The following ROBO2 variants were observed in gnomAD, a reference collection of about 807,000 sequenced individuals.
ROBO2 encodes the protein roundabout homolog 2.
A neutral mutation model predicts 160.8 loss-of-function variants in ROBO2; 53 were observed. The observed-to-expected ratio is 0.33, with a 90% CI of 0.26 to 0.41. The LOEUF (loss-of-function observed/expected upper bound fraction) is 0.41. Among genes scored for constraint, ROBO2 ranks in the 10% least tolerant of loss-of-function variants. ROBO2 has a pLI of 1.00. For missense variants in ROBO2, 1,577 were observed against 1,722.4 expected (o/e 0.92, Z 1.49); for synonymous variants, 664 against 611.7 (o/e 1.09, Z -1.26).
At chr3:76,773,564 T>G (rs1284736004) in intron 2 of ROBO2, among the ~76,000 whole-genome samples, 1 of 126,496 alleles carries the variant, frequency 7.9e-6, no homozygotes, top group Non-Finnish European at 1.6e-5. Flanking sequence ...GGTCTTATTT[T>G]TTTACAAGAT....
intron 22 of ROBO2, among the ~76,000 whole-genome samples, chr3:77,619,319 TC>T (rs1159364871): frequency 6.6e-6 from 1 of 152,050 alleles, no homozygotes; most frequent in Admixed American, 6.6e-5. Context: ...GTTTCAAGGG[TC>T]CCCAAGACCA....
At chr3:77,291,626 ATGGGT>A (rs2061275926) in intron 2 of ROBO2, among the ~76,000 whole-genome samples, 1 of 151,474 alleles carries the variant, frequency 6.6e-6, no homozygotes, top group Non-Finnish European at 1.5e-5. Flanking sequence ...TGACGGTTAA[ATGGGT>A]AAGCTGAGGC....
At chr3:77,186,487 G>A (rs138566259) in intron 2 of ROBO2, among the ~76,000 whole-genome samples, 1 of 152,064 alleles carries the variant, frequency 6.6e-6, no homozygotes, top group Admixed American at 6.6e-5. Flanking sequence ...CAAGGCTGAG[G>A]AATTGAAGTA....
chr3:77,062,605 A>T (rs1165866930), intron 1 of ROBO2, among the ~76,000 whole-genome samples: 1 of 152,146 alleles, frequency 6.6e-6, no homozygotes, highest in Non-Finnish European at 1.5e-5. Flanking sequence ...CACACTTCTG[A>T]CACCAGAGCT....
intron 2 of ROBO2, among the ~76,000 whole-genome samples, chr3:76,998,483 CACAT>C (rs1486913284): frequency 6.6e-6 from 1 of 152,046 alleles, no homozygotes; most frequent in African/African-American, 2.4e-5. Flanking sequence ...AAGAAACTTC[CACAT>C]ACATTTAATC....
chr3:76,034,032 A>T (rs1265467442), intron 2 of ROBO2, among the ~76,000 whole-genome samples: 1 of 152,332 alleles, frequency 6.6e-6, no homozygotes, highest in East Asian at 1.9e-4. Flanking sequence ...CAGATTCAGG[A>T]GTTAAAGAAA....
intron 2 of ROBO2, among the ~76,000 whole-genome samples, chr3:77,306,403 G>T (rs1022015998): frequency 1.3e-5 from 2 of 151,936 alleles, no homozygotes; most frequent in African/African-American, 4.8e-5. Flanking sequence ...GCAAAGCAAC[G>T]CAAATGTATA....
intron 2 of ROBO2, among the ~76,000 whole-genome samples, chr3:76,583,479 CTTGGG>C (rs980574207): frequency 2.1e-4 from 32 of 152,294 alleles, no homozygotes; most frequent in African/African-American, 7.5e-4. Context: ...GTGGCTACTT[CTTGGG>C]TGTTAAACTA....
intron 2 of ROBO2, among the ~76,000 whole-genome samples, chr3:76,561,728 C>G (rs540301014): frequency 6.6e-6 from 1 of 152,244 alleles, no homozygotes; most frequent in South Asian, 2.1e-4. Context: ...GATTTACATT[C>G]AAAATTTCCT....
intron 1 of ROBO2, among the ~76,000 whole-genome samples, chr3:75,930,022 C>A (rs1396449252): frequency 6.6e-6 from 1 of 152,190 alleles, no homozygotes; most frequent in Non-Finnish European, 1.5e-5. Flanking sequence ...GGCTTTAGAT[C>A]TTTTGCTCAA....
chr3:76,300,818 A>G (rs1709318295), intron 2 of ROBO2, among the ~76,000 whole-genome samples: 1 of 152,122 alleles, frequency 6.6e-6, no homozygotes, highest in East Asian at 1.9e-4. Flanking sequence ...CATTCAGCAG[A>G]AAAGGAAATG....
intron 16 of ROBO2, 102 bp downstream of exon 17, chr3:77,580,220 T>C (rs2093879550): frequency 1.9e-6 from 2 of 1,063,762 alleles, no homozygotes; most frequent in South Asian, 2.6e-5. Flanking sequence ...CACTTATGAA[T>C]GATAGGGTAC....
chr3:76,282,496 T>C (rs1197585499), intron 2 of ROBO2, among the ~76,000 whole-genome samples: 4 of 152,084 alleles, frequency 2.6e-5, no homozygotes, highest in Non-Finnish European at 5.9e-5. Context: ...AAATAGCTAG[T>C]CATTATGAAT....
intron 2 of ROBO2, among the ~76,000 whole-genome samples, chr3:76,852,835 T>C (rs533402782): frequency 6.6e-6 from 1 of 152,266 alleles, no homozygotes; most frequent in Admixed American, 6.5e-5. Flanking sequence ...CATTCACTGT[T>C]ATATATATGT....
At chr3:77,247,521 A>T (rs2089865461) in intron 2 of ROBO2, among the ~76,000 whole-genome samples, 1 of 152,202 alleles carries the variant, frequency 6.6e-6, no homozygotes, top group Admixed American at 6.5e-5. Flanking sequence ...CCCAAATATA[A>T]GGCCAGTTGC....
chr3:76,860,026 C>A (rs2070577367), intron 2 of ROBO2, among the ~76,000 whole-genome samples: 2 of 152,236 alleles, frequency 1.3e-5, no homozygotes, highest in Middle Eastern at 3.4e-3. Context: ...CATTACCTAC[C>A]TTTGTGTCAT....
chr3:77,359,241 G>C (rs1055715736), intron 2 of ROBO2, among the ~76,000 whole-genome samples: 1 of 152,206 alleles, frequency 6.6e-6, no homozygotes, highest in Non-Finnish European at 1.5e-5. Context: ...AATCTGCCTA[G>C]GCAGGCAGGG....
chr3:75,916,631 A>C (rs1460238617), intron 1 of ROBO2, among the ~76,000 whole-genome samples: 1 of 152,162 alleles, frequency 6.6e-6, no homozygotes, highest in East Asian at 1.9e-4. Flanking sequence ...TACTAAATCA[A>C]TCTTAGAGAT....
intron 2 of ROBO2, among the ~76,000 whole-genome samples, chr3:77,005,200 A>G (rs942146334): frequency 6.6e-6 from 1 of 152,096 alleles, no homozygotes; most frequent in African/African-American, 2.4e-5. Context: ...TCCTGACTCT[A>G]TGGCCGCCGC....
Sources: allele counts gnomAD v4.1 joint callset (sites outside exome capture counted in the v4.1 genomes callset), GRCh38; gene constraint gnomAD v4.1.1; transcripts MANE v1.5; gene names NCBI Gene and HGNC (gene_info 2026-07-23, HGNC 2026-07-21).